Variants in NPC1L1 observed in about 807,000 individuals in gnomAD.
The protein encoded by NPC1L1 is NPC1-like intracellular cholesterol transporter 1.
NPC1L1 carries 98 observed loss-of-function variants against 117.0 expected under a neutral mutation model. The observed-to-expected ratio is 0.84, with a 90% CI of 0.71 to 0.99. NPC1L1 has a LOEUF of 0.99. Among genes scored for constraint, NPC1L1 ranks in the 50% least tolerant of loss-of-function variants. The probability of loss-of-function intolerance (pLI) is 0.00; values close to 1 mark genes in which losing one functional copy is unlikely to be tolerated. For missense variants in NPC1L1, 1,540 were observed against 1,710.0 expected (o/e 0.90, Z 1.75); for synonymous variants, 729 against 727.6 (o/e 1.00, Z -0.03).
rs1464299565 is a variant in NPC1L1, at chr7:44,534,740, G to T, written c.1984-111C>A. 1 of 1,122,492 alleles carries T rather than the reference G, an allele frequency of 8.9e-7. No homozygotes were observed. The highest frequency in any genetic ancestry group is 1.5e-5 in the African/African-American group (1 of 64,972). The allele number at this position is 1,122,492 out of a possible 1,614,324, so 69.5% of individuals were successfully genotyped here. ...CGGCAGGCACCCTCAGTGCCTGCAG[G>T]TGCCCGATACTGCCCCCAGTGGTGA... On this transcript the variant is annotated intron_variant, in intron 5 of 18. Coordinates refer to ENST00000381160, the MANE Select transcript of NPC1L1 (RefSeq NM_001101648.2). The surrounding 1 kb of genome is among the most constrained non-coding windows in gnomAD (Gnocchi z 5.2).
At chr7:44,525,785 C>CAT (rs1163017456) in intron 10 of NPC1L1, among the ~76,000 whole-genome samples, 2 of 151,948 alleles carry the variant, frequency 1.3e-5, no homozygotes, top group Non-Finnish European at 2.9e-5. Context: ...AGTGACTTGG[C>CAT]ATATACAAAA....
chr7:44,522,062 A>G lies in NPC1L1; in HGVS notation c.2818T>C (p.Phe940Leu). 6.2e-7 allele frequency: 1 copy of G among 1,613,776 alleles called. No individual in the cohort carries two copies. The highest frequency in any genetic ancestry group is 8.5e-7 in the Non-Finnish European group (1 of 1,179,862). Reference protein sequence around the residue: ...FTQKIQYATEFPEQSYLAIPA... With the variant: ...FTQKIQYATELPEQSYLAIPA... The stretch of plus-strand genomic sequence containing the variant: ...GGGCCAGGAACTCACTGCTCAGGGA[A>G]CTCTGTGGCATACTGGATCTTCTGG... The change falls in exon 11 of 19, where the codon TTC becomes CTC. Residue 940 changes from phenylalanine to leucine, a missense_variant. Around this residue, in one of 3 missense-constraint regions of NPC1L1, gnomAD observed 742 missense variants for 873.6 expected, o/e 0.85. Transcript: ENST00000381160.
intron 10 of NPC1L1, among the ~76,000 whole-genome samples, chr7:44,526,336 G>C (rs1801514445): frequency 6.6e-6 from 1 of 151,622 alleles, no homozygotes; most frequent in Non-Finnish European, 1.5e-5. Flanking sequence ...ATTATTTGAG[G>C]CCAGGAGTTT....
intron 14 of NPC1L1, among the ~76,000 whole-genome samples, chr7:44,517,951 A>T (rs1413431227): frequency 6.6e-6 from 1 of 151,780 alleles, no homozygotes; most frequent in Non-Finnish European, 1.5e-5. Context: ...CCCTGTCTCT[A>T]CTAAAAATGC....
At chr7:44,516,517 G>A (rs1013322553) in intron 16 of NPC1L1, among the ~76,000 whole-genome samples, 186 bp downstream of exon 16, 1 of 152,094 alleles carries the variant, frequency 6.6e-6, no homozygotes, top group Non-Finnish European at 1.5e-5. Flanking sequence ...GAGGTAGGAG[G>A]ATCGCTTGAG....
chr7:44,532,323 G>C, intron 8 of NPC1L1, 106 bp from the exon 9 acceptor site: 1 of 1,332,286 alleles, frequency 7.5e-7, no homozygotes, highest in Non-Finnish European at 1.1e-6. Flanking sequence ...GCCCGTGCCA[G>C]TGCCCTCATG....
intron 14 of NPC1L1, among the ~76,000 whole-genome samples, chr7:44,519,621 G>C (rs1021759279): frequency 6.6e-6 from 1 of 151,966 alleles, no homozygotes; most frequent in South Asian, 2.1e-4. Context: ...CCCACCCACC[G>C]ACGACCCCCA....
In NPC1L1 at chr7:44,520,995, T is replaced by C; in HGVS notation, c.3077A>G (p.Lys1026Arg). ...CAGAAGGCCCTCCCAAGCTTACCCT[T>C]TGGGACATTTGATGTTGGGCCGGTC... The part of the protein sequence containing the change: ...LNDRPNIKCP[K>R]GGLAAYSTSV... The change falls in exon 13 of 19, where the codon AAA becomes AGA. Residue 1026 changes from lysine to arginine, a missense_variant. Coordinates refer to ENST00000381160, the MANE Select transcript of NPC1L1 (RefSeq NM_001101648.2). 2 of 1,614,122 alleles carry C rather than the reference T, an allele frequency of 1.2e-6. No individual in the cohort carries two copies. The highest frequency in any genetic ancestry group is 8.5e-7 in the Non-Finnish European group (1 of 1,180,016).
chr7:44,539,498 A>T lies in NPC1L1; in HGVS notation c.899T>A (p.Ile300Asn), dbSNP rs766904166. The change falls in exon 2 of 19, where the codon ATC (isoleucine) becomes AAC (asparagine). Residue 300 changes from isoleucine to asparagine, a missense_variant. Ile to Asn is a moderately radical substitution (Grantham distance 149). Coordinates refer to ENST00000381160, the MANE Select transcript of NPC1L1 (RefSeq NM_001101648.2). The surrounding 1 kb of genome is among the most constrained non-coding windows in gnomAD (Gnocchi z 4.4). ...ILCSVFAVVT[I>N]LLVGFRVAPA... ...GGCCACACGGAATCCCACAAGCAGG[A>T]TGGTGACCACAGCGAAGACAGAGCA... The T allele has an allele frequency of 9.3e-6, 15 of 1,613,544 alleles. No homozygotes were observed. In the South Asian group the frequency reaches 1.6e-4, roughly 18 times the overall value.
chr7:44,524,987 C>A, intron 10 of NPC1L1, among the ~76,000 whole-genome samples: 1 of 151,664 alleles, frequency 6.6e-6, no homozygotes, highest in South Asian at 2.1e-4. Flanking sequence ...AAGATAAGAC[C>A]ATTGAAATTA....
At chr7:44,537,955 G>C (rs181285122) in intron 2 of NPC1L1, among the ~76,000 whole-genome samples, 1 of 152,174 alleles carries the variant, frequency 6.6e-6, no homozygotes, top group Admixed American at 6.5e-5. Context: ...CAGGTAGCAG[G>C]GGACAGAAAG....
rs549245640 is a variant in NPC1L1, at chr7:44,532,864, G to A, written c.2409+567C>T. Among the ~76,000 whole-genome samples, 8 of 152,328 alleles carry A rather than the reference G, an allele frequency of 5.3e-5. No individual in the cohort carries two copies. The East Asian group carries it at 1.3e-3, about 26-fold the overall frequency. ...ATGGTGGCTCACGCCAGCACTTTGG[G>A]AGGCCAAGGTGGGCAGATCACCTGA... On this transcript the variant is annotated intron_variant, in intron 8 of 18. Transcript: ENST00000381160.
chr7:44,530,782 C>CA (rs1184403750), intron 10 of NPC1L1, among the ~76,000 whole-genome samples: 1 of 152,170 alleles, frequency 6.6e-6, no homozygotes, highest in Non-Finnish European at 1.5e-5. Context: ...TGTGACTCCT[C>CA]ACCTGCTCTC....
intron 12 of NPC1L1, 72 bp downstream of exon 12, chr7:44,521,640 G>A: frequency 6.8e-6 from 11 of 1,610,658 alleles, no homozygotes; most frequent in Non-Finnish European, 9.3e-6. Context: ...AGCCTCTCCA[G>A]TCCTCTCCTT....
At position 44,539,416 on chromosome 7, in the gene NPC1L1, G is replaced by A. The variant is rs764216861; in HGVS notation, c.981C>T (p.Asp327=). 112 of 1,614,020 alleles carry A rather than the reference G, an allele frequency of 6.9e-5. 1 individual carries two copies. The Admixed American group carries it at 1.8e-3, about 26-fold the overall frequency. Residue 327 remains aspartate (D), a synonymous_variant, in exon 2 of 19, where the codon GAC becomes GAT. Coordinates refer to ENST00000381160, the MANE Select transcript of NPC1L1 (RefSeq NM_001101648.2). The surrounding 1 kb of genome is among the most constrained non-coding windows in gnomAD (Gnocchi z 4.4). ...VDPKKGTSLS[D]KLSFSTHTLL... ...GGGTGTGGGTGGAGAAGCTGAGCTT[G>A]TCAGAGAGGCTGGTGCCCTTCTTGG... is the stretch of plus-strand genomic sequence containing the variant.
intron 1 of NPC1L1, 63 bp downstream of exon 1, chr7:44,541,143 G>C: frequency 6.6e-7 from 1 of 1,521,100 alleles, no homozygotes; most frequent in Non-Finnish European, 8.9e-7. Context: ...CCTGGTACAC[G>C]GCTGGCCCCA....
chr7:44,534,648 C>T lies in NPC1L1; in HGVS notation c.1984-19G>A. 6.2e-7 allele frequency: 1 copy of T among 1,613,244 alleles called. No individual in the cohort carries two copies. The highest frequency in any genetic ancestry group is 8.5e-7 in the Non-Finnish European group (1 of 1,179,822). On this transcript the variant is annotated intron_variant, in intron 5 of 18. Coordinates refer to ENST00000381160, the MANE Select transcript of NPC1L1 (RefSeq NM_001101648.2). This position sits in a 1 kb window ranked among gnomAD's most constrained non-coding sequence, Gnocchi z 5.2. ...AGTCCACCTGCAATGCAAACAGGCTCAGCCCCCTAGCCACTTAGCACCTAC... is the reference window on the plus strand; with the variant it reads ...AGTCCACCTGCAATGCAAACAGGCTTAGCCCCCTAGCCACTTAGCACCTAC...
chr7:44,518,626 G>C lies in NPC1L1; in HGVS notation c.3137-1269C>G, dbSNP rs540322742. On this transcript the variant is annotated intron_variant, in intron 14 of 18. Transcript: ENST00000381160. Reference sequence around the variant, plus strand: ...AGAGGTTGCAGTGAGCCGAGATTGTGCCACTGTACTCCAGCCTGGGTGACA... The same window carrying C: ...AGAGGTTGCAGTGAGCCGAGATTGTCCCACTGTACTCCAGCCTGGGTGACA... The C allele has an allele frequency of 4.8e-6, 4 of 833,984 alleles. No individual in the cohort carries two copies. In the African/African-American group the frequency reaches 7.1e-5, roughly 15 times the overall value. 51.7% of individuals were successfully genotyped at this position (833,984 alleles called of 1,614,324 possible).
chr7:44,515,286 C>T (rs1320788821), intron 18 of NPC1L1, among the ~76,000 whole-genome samples: 1 of 149,086 alleles, frequency 6.7e-6, no homozygotes, highest in Non-Finnish European at 1.5e-5. Flanking sequence ...CCTGGGAAGT[C>T]AAGGTGGCAG....
Sources: gnomAD v4.1 joint callset for allele counts (sites outside exome capture counted in the v4.1 genomes callset) on GRCh38, gnomAD v4.1.1 for gene constraint, gnomAD v4.1.1 regional missense constraint, Gnocchi (gnomAD v3.1) non-coding constraint, MANE v1.5 for transcripts, NCBI Gene and HGNC (gene_info 2026-07-23, HGNC 2026-07-21) for gene names.